HSD17B12: variants seen among roughly 807,000 people sequenced by gnomAD.
The protein encoded by HSD17B12 is very-long-chain 3-oxoacyl-CoA reductase.
Under a neutral mutation model 39.3 loss-of-function variants are expected in HSD17B12, and 32 were observed. That is an observed-to-expected ratio of 0.81 (90% CI 0.61 to 1.09). HSD17B12 has a LOEUF of 1.09. Ranked by LOEUF, HSD17B12 falls within the 50% of genes least tolerant of loss-of-function variation. HSD17B12 has a pLI of 0.00. For synonymous variants in HSD17B12, 150 were observed against 146.7 expected, an observed-to-expected ratio of 1.02 and a Z score of -0.16; for missense variants, 342 against 382.9, an observed-to-expected ratio of 0.89 and a Z score of 0.89.
At chr11:43,820,230 T>TAG (rs1359046214) in intron 6 of HSD17B12, among the ~76,000 whole-genome samples, 1 of 152,198 alleles carries the variant, frequency 6.6e-6, no homozygotes, top group East Asian at 1.9e-4. Flanking sequence ...AGCCTTCAAG[T>TAG]AGATGTAAGG....
the HSD17B12 span, among the ~76,000 whole-genome samples, chr11:43,620,863 G>C: frequency 6.6e-6 from 1 of 152,198 alleles, no homozygotes; most frequent in African/African-American, 2.4e-5. Context: ...CAGAAGTTCA[G>C]CCTTAACTCC....
At chr11:43,586,940 A>G in the HSD17B12 span, among the ~76,000 whole-genome samples, 1 of 152,222 alleles carries the variant, frequency 6.6e-6, no homozygotes, top group South Asian at 2.1e-4. Flanking sequence ...AGGAAATAAG[A>G]TTCATTTCTC....
the HSD17B12 span, among the ~76,000 whole-genome samples, chr11:43,590,254 CAAT>C: frequency 9.3e-5 from 14 of 150,384 alleles, no homozygotes; most frequent in African/African-American, 3.4e-4. Context: ...GGAGCTGAAT[CAAT>C]GATGACCGCA....
chr11:43,649,448 C>G, the HSD17B12 span, among the ~76,000 whole-genome samples: 1 of 151,838 alleles, frequency 6.6e-6, no homozygotes, highest in African/African-American at 2.4e-5. Context: ...TAGAAGAATT[C>G]TAAATTAAAA....
At chr11:43,810,969 A>G (rs901985783) in intron 4 of HSD17B12, among the ~76,000 whole-genome samples, 6 of 152,164 alleles carry the variant, frequency 3.9e-5, no homozygotes, top group African/African-American at 1.4e-4. Flanking sequence ...AACATGTGCC[A>G]TTGTTTGGTT....
In HSD17B12 at chr11:43,731,098, G is replaced by C. The variant is rs146961296; in HGVS notation, c.161-19813G>C. On this transcript the variant is annotated intron_variant, in intron 1 of 10. Transcript: ENST00000278353. ...TGCAACCTCTGCCTCCCGGGTTCAAGCGATTCTCCTGCCTCAGCCTCCCAA... is the reference window on the plus strand; with the variant it reads ...TGCAACCTCTGCCTCCCGGGTTCAACCGATTCTCCTGCCTCAGCCTCCCAA... 9.3e-3 allele frequency among the ~76,000 whole-genome samples: 1,409 copies of C among 152,172 alleles called. 17 individuals carry two copies. The highest frequency in any genetic ancestry group is 0.033 in the African/African-American group (1,377 of 41,524).
At chr11:43,823,457 G>C (rs1433995881) in intron 6 of HSD17B12, among the ~76,000 whole-genome samples, 5 of 151,986 alleles carry the variant, frequency 3.3e-5, no homozygotes, top group Non-Finnish European at 7.4e-5. Flanking sequence ...TTTTTATAGA[G>C]ATGGAGTGTT....
the HSD17B12 span, among the ~76,000 whole-genome samples, chr11:43,580,208 G>A: frequency 6.6e-6 from 1 of 151,642 alleles, no homozygotes; most frequent in Non-Finnish European, 1.5e-5. Context: ...GAGGGAGGGA[G>A]GGAGAGTGAG....
At chr11:43,706,152 G>T (rs1415838174) in intron 1 of HSD17B12, among the ~76,000 whole-genome samples, 2 of 152,064 alleles carry the variant, frequency 1.3e-5, no homozygotes, top group African/African-American at 4.8e-5. Context: ...AGCCTGATGT[G>T]TGTGTATAAA....
At chr11:43,773,925 G>A (rs1950673362) in intron 3 of HSD17B12, among the ~76,000 whole-genome samples, 1 of 151,988 alleles carries the variant, frequency 6.6e-6, no homozygotes, top group South Asian at 2.1e-4. Flanking sequence ...AAATGTCTTT[G>A]GAAAATATAT....
chr11:43,807,757 G>A (rs567962147), intron 4 of HSD17B12, among the ~76,000 whole-genome samples: 1 of 152,288 alleles, frequency 6.6e-6, no homozygotes, highest in South Asian at 2.1e-4. Flanking sequence ...ACAAAGAGAG[G>A]TGTTTAGGAA....
chr11:43,581,329 C>G, the HSD17B12 span: 1 of 472,432 alleles, frequency 2.1e-6, no homozygotes, highest in South Asian at 1.5e-5. The surrounding 1 kb of genome is among the most constrained non-coding windows in gnomAD (Gnocchi z 4.9). Context: ...CCAGCCTGTT[C>G]GGCTCCAGGG....
chr11:43,760,751 C>T (rs1006197478), intron 3 of HSD17B12, among the ~76,000 whole-genome samples: 3 of 152,184 alleles, frequency 2.0e-5, no homozygotes, highest in African/African-American at 7.2e-5. Context: ...ATAAGTACAA[C>T]AGGAGGCATT....
intron 1 of HSD17B12, among the ~76,000 whole-genome samples, chr11:43,687,814 A>G (rs759905979): frequency 2.6e-5 from 4 of 152,240 alleles, no homozygotes; most frequent in Admixed American, 6.5e-5. Context: ...TCTTGTTTCT[A>G]TGACTTCCCT....
chr11:43,673,668 TTTG>T, the HSD17B12 span, among the ~76,000 whole-genome samples: 2 of 15,418 alleles, frequency 1.3e-4, no homozygotes, highest in African/African-American at 2.6e-4. Context: ...GTTTTGTTTG[TTTG>T]TTTGTTTGTT....
rs116958552 is a variant in HSD17B12, at chr11:43,811,865, C to T, written c.392-3572C>T. Among the ~76,000 whole-genome samples, 109 of 152,270 alleles carry T rather than the reference C, an allele frequency of 7.2e-4. 1 individual carries two copies. In the East Asian group the frequency reaches 0.01, roughly 14 times the overall value. ...CACTAACCATCCTCTCTTCATCCCT[C>T]ACCCACCCACACACACCTGCCCCAC... On this transcript the variant is annotated intron_variant, in intron 4 of 10. Coordinates refer to ENST00000278353, the MANE Select transcript of HSD17B12 (RefSeq NM_016142.3).
intron 7 of HSD17B12, among the ~76,000 whole-genome samples, chr11:43,834,357 A>C (rs924450558): frequency 1.1e-4 from 13 of 119,962 alleles, no homozygotes; most frequent in African/African-American, 3.4e-4. Flanking sequence ...AATGTGAAGA[A>C]TTGGGATGGA....
At chr11:43,671,591 T>A in the HSD17B12 span, among the ~76,000 whole-genome samples, 1 of 152,246 alleles carries the variant, frequency 6.6e-6, no homozygotes, top group Admixed American at 6.5e-5. Context: ...GCTGATGCAA[T>A]AAAGAAAACC....
chr11:43,801,241 T>G (rs1950965249), intron 4 of HSD17B12, among the ~76,000 whole-genome samples: 1 of 152,088 alleles, frequency 6.6e-6, no homozygotes, highest in South Asian at 2.1e-4. Flanking sequence ...ATAAGTGTTT[T>G]GAGTAGGGAA....
Sources: allele counts gnomAD v4.1 joint callset (sites outside exome capture counted in the v4.1 genomes callset), GRCh38; gene constraint gnomAD v4.1.1; non-coding constraint Gnocchi (gnomAD v3.1); transcripts MANE v1.5; gene names NCBI Gene and HGNC (gene_info 2026-07-23, HGNC 2026-07-21).